SEMA3A: variants seen among roughly 807,000 people sequenced by gnomAD.
SEMA3A encodes semaphorin-3A.
In SEMA3A, 29 loss-of-function variants were observed where a neutral mutation model predicts 97.9. The ratio of observed to expected loss-of-function variants is 0.30; its 90% CI spans 0.22 to 0.40. The LOEUF is 0.40. SEMA3A is among the 10% of genes least tolerant of loss of function. The pLI, the probability that SEMA3A is intolerant of heterozygous loss-of-function variation, is 1.00. For synonymous variants in SEMA3A, 321 were observed against 323.7 expected, an observed-to-expected ratio of 0.99 and a Z score of 0.09; for missense variants, 763 against 951.3, an observed-to-expected ratio of 0.80 and a Z score of 2.60.
chr7:84,086,479 ATAT>A (rs1287305976), intron 4 of SEMA3A, among the ~76,000 whole-genome samples: 4 of 49,332 alleles, frequency 8.1e-5, no homozygotes, highest in East Asian at 7.3e-4. Flanking sequence ...ATGTATTATT[ATAT>A]TATATTTACA....
chr7:84,293,137 C>A (rs930484457), intron 3 of SEMA3A, among the ~76,000 whole-genome samples: 1 of 151,964 alleles, frequency 6.6e-6, no homozygotes, highest in Non-Finnish European at 1.5e-5. Context: ...TATGTCTATA[C>A]CTAAAGCACA....
At chr7:84,136,349 T>C (rs1796124305) in intron 1 of SEMA3A, among the ~76,000 whole-genome samples, 5 of 152,178 alleles carry the variant, frequency 3.3e-5, no homozygotes, top group Admixed American at 2.6e-4. Flanking sequence ...CATTTTATCA[T>C]CAAAAATATG....
chr7:83,986,362 A>C (rs1228903886), intron 12 of SEMA3A, among the ~76,000 whole-genome samples: 1 of 152,224 alleles, frequency 6.6e-6, no homozygotes, highest in Admixed American at 6.5e-5. Flanking sequence ...GTTAACATAG[A>C]GGAGTAATAA....
chr7:83,984,279 A>G (rs1789539776), intron 13 of SEMA3A, among the ~76,000 whole-genome samples: 1 of 152,134 alleles, frequency 6.6e-6, no homozygotes, highest in African/African-American at 2.4e-5. Context: ...CCAACCTCTA[A>G]CAATTTTCAG....
chr7:84,321,853 C>T (rs568180164), intron 2 of SEMA3A, among the ~76,000 whole-genome samples: 1 of 116,272 alleles, frequency 8.6e-6, no homozygotes, highest in Non-Finnish European at 1.7e-5. Context: ...TCCAGCCTGG[C>T]CGACAGAGCG....
intron 3 of SEMA3A, among the ~76,000 whole-genome samples, chr7:84,236,454 A>G (rs966811378): frequency 2.0e-5 from 3 of 152,146 alleles, no homozygotes; most frequent in Admixed American, 1.3e-4. Context: ...AATTCTGAAT[A>G]TGATTGCCTC....
chr7:84,453,599 T>G (rs1805618333), intron 1 of SEMA3A, among the ~76,000 whole-genome samples: 1 of 152,156 alleles, frequency 6.6e-6, no homozygotes, highest in Non-Finnish European at 1.5e-5. Context: ...AAATGCTACT[T>G]TCTTCTGAGT....
intron 3 of SEMA3A, among the ~76,000 whole-genome samples, chr7:84,287,388 T>C (rs1471522034): frequency 6.6e-6 from 1 of 152,114 alleles, no homozygotes; most frequent in East Asian, 1.9e-4. Context: ...TTTTAGTATA[T>C]TCCATTTGCT....
At chr7:84,329,931 G>T (rs990940005) in intron 2 of SEMA3A, among the ~76,000 whole-genome samples, 79 of 151,950 alleles carry the variant, frequency 5.2e-4, no homozygotes, top group African/African-American at 1.9e-3. Context: ...CCAACTTAGG[G>T]CTTGTAACTG....
intron 2 of SEMA3A, among the ~76,000 whole-genome samples, chr7:84,358,224 T>G (rs561920509): frequency 2.0e-5 from 3 of 152,206 alleles, no homozygotes; most frequent in Non-Finnish European, 4.4e-5. Flanking sequence ...GCCTATGTCC[T>G]GAACGGTATT....
intron 3 of SEMA3A, among the ~76,000 whole-genome samples, chr7:84,277,947 CT>C (rs1427698427): frequency 1.3e-5 from 2 of 152,106 alleles, no homozygotes; most frequent in Non-Finnish European, 2.9e-5. Flanking sequence ...CCCCTAAAAG[CT>C]TTTTCTTTCT....
intron 11 of SEMA3A, among the ~76,000 whole-genome samples, chr7:84,004,237 A>AAAAT (rs1790573008): frequency 6.6e-6 from 1 of 152,084 alleles, no homozygotes; most frequent in South Asian, 2.1e-4. Context: ...GGGACTTTCA[A>AAAAT]AAATAATATT....
intron 6 of SEMA3A, among the ~76,000 whole-genome samples, chr7:84,020,529 T>C (rs1330345872): frequency 2.0e-5 from 3 of 152,110 alleles, no homozygotes; most frequent in Non-Finnish European, 4.4e-5. Context: ...TATTTCTTAA[T>C]TTTATAAGAA....
chr7:84,204,842 G>GC (rs1199768360), intron 3 of SEMA3A, among the ~76,000 whole-genome samples: 1 of 152,140 alleles, frequency 6.6e-6, no homozygotes, highest in Non-Finnish European at 1.5e-5. Flanking sequence ...AATCAGCCCT[G>GC]CAACTGTAGG....
intron 1 of SEMA3A, among the ~76,000 whole-genome samples, chr7:84,436,775 C>A (rs931147334): frequency 3.3e-5 from 5 of 152,078 alleles, no homozygotes; most frequent in Non-Finnish European, 5.9e-5. Flanking sequence ...TAGAATGCTT[C>A]TCTTATGCAA....
chr7:84,048,042 C>T (rs965539414), intron 5 of SEMA3A, among the ~76,000 whole-genome samples: 1 of 151,876 alleles, frequency 6.6e-6, no homozygotes, highest in Non-Finnish European at 1.5e-5. Flanking sequence ...TGAATCTTAT[C>T]TTGAAAACTG....
At chr7:84,404,691 A>C (rs1804020192) in intron 1 of SEMA3A, among the ~76,000 whole-genome samples, 1 of 152,230 alleles carries the variant, frequency 6.6e-6, no homozygotes, top group African/African-American at 2.4e-5. Context: ...CTAACAGCTG[A>C]TCTCTTGGCA....
intron 15 of SEMA3A, among the ~76,000 whole-genome samples, chr7:83,968,579 T>C (rs941877298): frequency 6.6e-6 from 1 of 152,154 alleles, no homozygotes; most frequent in African/African-American, 2.4e-5. Flanking sequence ...ATGTATGTCT[T>C]ACCCTTATAA....
At chr7:84,233,585 T>G (rs1463857029) in intron 3 of SEMA3A, among the ~76,000 whole-genome samples, 2 of 151,984 alleles carry the variant, frequency 1.3e-5, no homozygotes, top group African/African-American at 4.8e-5. Flanking sequence ...GAATTTTAAT[T>G]TAAAGATAAT....
Sources: gnomAD v4.1 joint callset for allele counts (sites outside exome capture counted in the v4.1 genomes callset) on GRCh38, gnomAD v4.1.1 for gene constraint, MANE v1.5 for transcripts, NCBI Gene and HGNC (gene_info 2026-07-23, HGNC 2026-07-21) for gene names.